The following ZFHX3 variants were observed in gnomAD, a reference collection of about 807,000 sequenced individuals.
The protein encoded by ZFHX3 is zinc finger homeobox 3.
A neutral mutation model predicts 279.1 loss-of-function variants in ZFHX3; 42 were observed. The observed-to-expected ratio is 0.15, with a 90% CI of 0.12 to 0.19. The LOEUF (loss-of-function observed/expected upper bound fraction) is 0.19. Ranked by LOEUF, ZFHX3 falls within the 10% of genes least tolerant of loss-of-function variation. The pLI is 1.00. For synonymous variants in ZFHX3, 2,293 were observed against 1,957.8 expected, an observed-to-expected ratio of 1.17 and a Z score of -4.52; for missense variants, 4,981 against 4,754.0, an observed-to-expected ratio of 1.05 and a Z score of -1.40.
intron 2 of ZFHX3, among the ~76,000 whole-genome samples, chr16:73,630,275 CA>C (rs66566662): frequency 0.55 from 83,857 of 152,042 alleles, 26,050 homozygotes; most frequent in East Asian, 0.81. Context: ...TTTAGAGGAT[CA>C]AAAGGAAAAT....
At position 72,788,109 on chromosome 16, in the gene ZFHX3, TTGC is replaced by T. The variant is rs745803083; in HGVS notation, c.10164_10166del (p.Gln3389del). On this transcript the variant is annotated inframe_deletion, in exon 10 of 10. Coordinates refer to ENST00000268489, the MANE Select transcript of ZFHX3 (RefSeq NM_006885.4). ...CTTTGGGCTGCTGCTGCTGCACTTT[TTGC>T]TGCTGCTGCTGCTGTAGTTGCCGCT... 263 of 1,606,480 alleles carry T rather than the reference TTGC, an allele frequency of 1.6e-4. No individual in the cohort carries two copies. The highest frequency in any genetic ancestry group is 7.4e-4 in the Admixed American group (44 of 59,694).
At chr16:73,256,765 T>C (rs2013671805) in intron 5 of ZFHX3, among the ~76,000 whole-genome samples, 1 of 152,208 alleles carries the variant, frequency 6.6e-6, no homozygotes, top group South Asian at 2.1e-4. Flanking sequence ...CAGTCACAAG[T>C]ACAAAGTTAG....
chr16:73,858,637 G>T (rs1346698375), intron 1 of ZFHX3, among the ~76,000 whole-genome samples: 1 of 152,192 alleles, frequency 6.6e-6, no homozygotes, highest in East Asian at 1.9e-4. Context: ...GGTTAATCTA[G>T]CATTTGCATT....
At chr16:73,804,150 T>C (rs975252960) in intron 1 of ZFHX3, among the ~76,000 whole-genome samples, 3 of 152,102 alleles carry the variant, frequency 2.0e-5, no homozygotes, top group African/African-American at 7.2e-5. Context: ...GAGCAGACCC[T>C]GTCTCAAAAA....
rs114645025 is a variant in ZFHX3 at position 73,811,384 on chromosome 16, T to C, written c.-1608+80267A>G. Among the ~76,000 whole-genome samples, 235 of 151,792 alleles carry C rather than the reference T, an allele frequency of 1.5e-3. 1 individual carries two copies. The highest frequency in any genetic ancestry group is 6.8e-3 in the Middle Eastern group (2 of 292). On this transcript the variant is annotated intron_variant, in intron 1 of 17. Coordinates refer to the ZFHX3 transcript ENST00000641206. ...TTCCCAGGGCACATCAGTGCCATAG[T>C]GAATGGCTAATACCCATGAAAGCAA...
At position 73,000,156 on chromosome 16, in the gene ZFHX3, A is replaced by C. The variant is rs530574451; in HGVS notation, c.-49-39962T>G. ...GTAAGTATCCCGGGCAGAAGAACAG[A>C]GCAGGCACCACTGTCTGTCAACACC... is the stretch of plus-strand genomic sequence containing the variant. On this transcript the variant is annotated intron_variant, in intron 1 of 9. Transcript: ENST00000268489. 1.6e-4 allele frequency among the ~76,000 whole-genome samples: 25 copies of C among 152,294 alleles called. No individual in the cohort carries two copies. The South Asian group carries it at 4.8e-3, about 29-fold the overall frequency.
rs370393504 is a variant in ZFHX3 at position 73,275,679 on chromosome 16, T to C, written c.-1193-18543A>G. Among the ~76,000 whole-genome samples the C allele has an allele frequency of 3.9e-5, 6 of 152,214 alleles. No individual in the cohort carries two copies. The East Asian group carries it at 9.6e-4, about 24-fold the overall frequency. On this transcript the variant is annotated intron_variant, in intron 4 of 17. Coordinates refer to the ZFHX3 transcript ENST00000641206. ...ATACTGTCGTCTATTGAGTGTGCCA[T>C]AGCATTATGTTTTAAAGCCCAATTT...
intron 3 of ZFHX3, among the ~76,000 whole-genome samples, chr16:73,383,383 G>T (rs761029700): frequency 6.6e-6 from 1 of 152,146 alleles, no homozygotes; most frequent in Non-Finnish European, 1.5e-5. Flanking sequence ...AGCGGCACTG[G>T]GCCTGGAGCT....
At chr16:73,324,897 G>A (rs1030155930) in intron 3 of ZFHX3, among the ~76,000 whole-genome samples, 1 of 152,180 alleles carries the variant, frequency 6.6e-6, no homozygotes, top group African/African-American at 2.4e-5. Flanking sequence ...ACAGCCCAGA[G>A]TGCTTCCAAT....
chr16:72,866,846 C>T (rs543732062), intron 4 of ZFHX3, among the ~76,000 whole-genome samples: 1 of 152,220 alleles, frequency 6.6e-6, no homozygotes, highest in Non-Finnish European at 1.5e-5. Flanking sequence ...ACCATCCACA[C>T]AGGCACAAAC....
At chr16:72,841,050 G>A (rs2037332887) in intron 4 of ZFHX3, among the ~76,000 whole-genome samples, 1 of 152,186 alleles carries the variant, frequency 6.6e-6, no homozygotes, top group African/African-American at 2.4e-5. Flanking sequence ...AGAAACGTGT[G>A]AACACCCGGA....
intron 3 of ZFHX3, among the ~76,000 whole-genome samples, chr16:72,934,898 G>A (rs1489284997): frequency 6.6e-6 from 1 of 152,164 alleles, no homozygotes; most frequent in Non-Finnish European, 1.5e-5. Context: ...AAGAGTCGCT[G>A]GATTACGAAA....
intron 2 of ZFHX3, among the ~76,000 whole-genome samples, chr16:73,496,629 G>A (rs1002311234): frequency 2.0e-5 from 3 of 152,226 alleles, no homozygotes; most frequent in African/African-American, 7.2e-5. Context: ...GATGGGTAAG[G>A]AAGTTAGTTG....
intron 4 of ZFHX3, among the ~76,000 whole-genome samples, chr16:72,845,949 C>T (rs1013557528): frequency 1.3e-4 from 20 of 152,276 alleles, no homozygotes; most frequent in Admixed American, 1.0e-3. Context: ...TTAATGGCTA[C>T]CTCTAGAGGC....
intron 5 of ZFHX3, among the ~76,000 whole-genome samples, chr16:73,209,189 A>G (rs571272186): frequency 6.6e-6 from 1 of 152,234 alleles, no homozygotes; most frequent in Non-Finnish European, 1.5e-5. Flanking sequence ...TTAAAAATTC[A>G]TTTAAAACTA....
At chr16:72,853,570 A>G (rs555357097) in intron 4 of ZFHX3, among the ~76,000 whole-genome samples, 1 of 152,334 alleles carries the variant, frequency 6.6e-6, no homozygotes, top group East Asian at 1.9e-4. Context: ...TTCCTGCTAA[A>G]GTGTTTTTTA....
chr16:73,211,036 C>T (rs1415769006), intron 5 of ZFHX3, among the ~76,000 whole-genome samples: 1 of 152,044 alleles, frequency 6.6e-6, no homozygotes, highest in Non-Finnish European at 1.5e-5. Flanking sequence ...TGGGTCCATT[C>T]TATAGAAATA....
intron 4 of ZFHX3, among the ~76,000 whole-genome samples, chr16:73,270,656 C>A (rs1488890709): frequency 6.6e-6 from 1 of 152,130 alleles, no homozygotes; most frequent in Non-Finnish European, 1.5e-5. Context: ...AAGATCTGCC[C>A]AGTGGAAGGC....
intron 7 of ZFHX3, among the ~76,000 whole-genome samples, chr16:73,126,197 G>A (rs1335541856): frequency 6.6e-6 from 1 of 152,108 alleles, no homozygotes; most frequent in Non-Finnish European, 1.5e-5. Flanking sequence ...AAGCCACTGA[G>A]GACTTCAGAG....
Sources: gnomAD v4.1 joint callset for allele counts (sites outside exome capture counted in the v4.1 genomes callset) on GRCh38, gnomAD v4.1.1 for gene constraint, MANE v1.5 for transcripts, NCBI Gene and HGNC (gene_info 2026-07-23, HGNC 2026-07-21) for gene names.